FGD3: variants seen among roughly 807,000 people sequenced by gnomAD.
FGD3 encodes FYVE, RhoGEF and PH domain containing 3, also known as FYVE, RhoGEF and PH domain-containing protein 3.
Under a neutral mutation model 71.8 loss-of-function variants are expected in FGD3, and 45 were observed. The ratio of observed to expected loss-of-function variants is 0.63; its 90% CI spans 0.49 to 0.80. The LOEUF is 0.80. FGD3 is among the 30% of genes least tolerant of loss of function. FGD3 has a pLI of 0.00. For synonymous variants in FGD3, 378 were observed against 392.8 expected, an observed-to-expected ratio of 0.96 and a Z score of 0.44; for missense variants, 844 against 951.5, an observed-to-expected ratio of 0.89 and a Z score of 1.49.
intron 14 of FGD3, among the ~76,000 whole-genome samples, chr9:93,027,717 T>C (rs1031281079): frequency 2.9e-5 from 2 of 69,416 alleles, no homozygotes; most frequent in African/African-American, 1.0e-4. Context: ...CTTTCTTTCT[T>C]TTTTTTTTTT....
chr9:93,007,428 C>T (rs1186748977), intron 6 of FGD3, among the ~76,000 whole-genome samples: 1 of 152,158 alleles, frequency 6.6e-6, no homozygotes, highest in Non-Finnish European at 1.5e-5. Flanking sequence ...TTCACCACTT[C>T]TTAAAATGTA....
chr9:92,959,617 G>A (rs140446645), intron 1 of FGD3, among the ~76,000 whole-genome samples: 20 of 148,058 alleles, frequency 1.4e-4, no homozygotes, highest in African/African-American at 4.3e-4. Context: ...TGAGATGGGA[G>A]GATCCCTCGA....
At chr9:93,035,043 C>T (rs950208592) in intron 17 of FGD3, among the ~76,000 whole-genome samples, 26 of 152,312 alleles carry the variant, frequency 1.7e-4, no homozygotes, top group African/African-American at 5.8e-4. Flanking sequence ...TGTCCTGCCT[C>T]GCCTCCCCAG....
chr9:92,956,741 T>C (rs1376190206), intron 1 of FGD3, among the ~76,000 whole-genome samples: 2 of 152,230 alleles, frequency 1.3e-5, no homozygotes, highest in African/African-American at 4.8e-5. Context: ...AGGGCACCTC[T>C]GTTCTGACTT....
chr9:93,028,929 G>A (rs889246017), intron 14 of FGD3, among the ~76,000 whole-genome samples: 2 of 147,978 alleles, frequency 1.4e-5, no homozygotes, highest in Non-Finnish European at 3.0e-5. Context: ...AGGCACAGGA[G>A]ACAGAGGAGG....
chr9:92,957,438 T>C (rs759418563), intron 1 of FGD3, among the ~76,000 whole-genome samples: 3 of 152,240 alleles, frequency 2.0e-5, no homozygotes, highest in Non-Finnish European at 4.4e-5. Context: ...GTGTGGTTTT[T>C]AGTTTCCCTG....
chr9:93,035,392 G>A lies in FGD3; in HGVS notation c.1981G>A (p.Asp661Asn), dbSNP rs1862556795. 3.1e-6 allele frequency: 5 copies of A among 1,611,348 alleles called. No homozygotes were observed. The East Asian group carries it at 8.9e-5, about 29-fold the overall frequency. The change falls in exon 18 of 18, where the codon GAC becomes AAC. Residue 661 changes from aspartate to asparagine, a missense_variant. Asp to Asn is a conservative substitution (Grantham distance 23). Coordinates refer to ENST00000375482, the MANE Select transcript of FGD3 (RefSeq NM_001083536.2). ...CCCCAGCTGCAAACTGAGTGTGCCG[G>A]ACCCTGAGGAGAGGCTGGACTCGGG... ...PLPSCKLSVP[D>N]PEERLDSGHV...
intron 3 of FGD3, among the ~76,000 whole-genome samples, chr9:93,002,121 G>A (rs549182590): frequency 6.6e-6 from 1 of 152,312 alleles, no homozygotes; most frequent in East Asian, 1.9e-4. Context: ...ATGATTTCCA[G>A]CTTTAATTAG....
At chr9:92,991,024 A>G (rs1860387546) in intron 3 of FGD3, among the ~76,000 whole-genome samples, 1 of 152,202 alleles carries the variant, frequency 6.6e-6, no homozygotes, top group South Asian at 2.1e-4. Context: ...AGTAGAATTC[A>G]GTGGTGAACC....
intron 3 of FGD3, 24 bp downstream of exon 3, chr9:92,976,733 C>T (rs769428763): frequency 2.1e-5 from 32 of 1,536,364 alleles, no homozygotes; most frequent in African/African-American, 6.9e-5. Context: ...TCTCTGTCCC[C>T]GCTGCGGGCT....
At chr9:92,968,486 C>A (rs541065686) in intron 1 of FGD3, among the ~76,000 whole-genome samples, 1 of 152,106 alleles carries the variant, frequency 6.6e-6, no homozygotes, top group Non-Finnish European at 1.5e-5. Context: ...CCTCCATCCA[C>A]TCCCACAGCA....
At position 93,032,871 on chromosome 9, in the gene FGD3, G is replaced by A. The variant is rs778535151; in HGVS notation, c.1783G>A (p.Glu595Lys). The change falls in exon 16 of 18, where the codon GAG becomes AAG. Residue 595 changes from glutamate (E) to lysine (K), a missense_variant and splice_region_variant. Glu to Lys is a moderately conservative substitution (Grantham distance 56). Coordinates refer to ENST00000375482, the MANE Select transcript of FGD3 (RefSeq NM_001083536.2). ...ACAGCCAGTGGCCCCTGAGAGCACA[G>A]AGGTGGGTGCTCCCAGCTCCTGCTC... ...LTQPVAPEST[E>K]KTPTADPQPS... is the part of the protein sequence containing the mutation. 20 of 1,613,500 alleles carry A rather than the reference G, an allele frequency of 1.2e-5. No homozygotes were observed. In the East Asian group the frequency reaches 4.2e-4, roughly 34 times the overall value.
intron 11 of FGD3, 43 bp downstream of exon 11, chr9:93,018,258 T>C (rs777226551): frequency 6.5e-7 from 1 of 1,526,750 alleles, no homozygotes; most frequent in Non-Finnish European, 9.0e-7. Context: ...TGACCTCATG[T>C]CTTCTTTTTC....
intron 3 of FGD3, 58 bp from the exon 4 acceptor site, chr9:93,002,866 AG>A (rs1473417505): frequency 2.6e-6 from 4 of 1,550,350 alleles, no homozygotes; most frequent in Non-Finnish European, 3.5e-6. Flanking sequence ...GCAGCCCGTT[AG>A]GTGCCGATTC....
intron 10 of FGD3, among the ~76,000 whole-genome samples, chr9:93,017,828 C>T (rs1048666097): frequency 6.0e-5 from 9 of 151,134 alleles, no homozygotes; most frequent in East Asian, 3.9e-4. Flanking sequence ...ATGGATGGGG[C>T]GACATGGGGA....
At chr9:92,985,613 G>T (rs1035861882) in intron 3 of FGD3, among the ~76,000 whole-genome samples, 1 of 152,048 alleles carries the variant, frequency 6.6e-6, no homozygotes, top group African/African-American at 2.4e-5. Flanking sequence ...CAAGTATCTG[G>T]GATTACGGGT....
intron 7 of FGD3, 119 bp downstream of exon 7, chr9:93,010,503 A>G: frequency 8.9e-7 from 1 of 1,119,394 alleles, no homozygotes; most frequent in Non-Finnish European, 1.2e-6. Flanking sequence ...AGAGAAACAG[A>G]GAGACCAGAG....
At chr9:93,013,440 C>T (rs980893973) in intron 8 of FGD3, among the ~76,000 whole-genome samples, 2 of 152,168 alleles carry the variant, frequency 1.3e-5, no homozygotes, top group Non-Finnish European at 2.9e-5. Context: ...CATGTGACCA[C>T]CCCACCAGTC....
chr9:92,986,315 CT>C (rs1353497272), intron 3 of FGD3, among the ~76,000 whole-genome samples: 2 of 152,142 alleles, frequency 1.3e-5, no homozygotes, highest in East Asian at 1.9e-4. Context: ...CTCTCATGTT[CT>C]TTAAGTAGAT....
Sources: allele counts gnomAD v4.1 joint callset (sites outside exome capture counted in the v4.1 genomes callset), GRCh38; gene constraint gnomAD v4.1.1; transcripts MANE v1.5; gene names NCBI Gene and HGNC (gene_info 2026-07-23, HGNC 2026-07-21).